The following RIMS1 variants were observed in gnomAD, a reference collection of about 807,000 sequenced individuals.
RIMS1 encodes regulating synaptic membrane exocytosis 1, also known as regulating synaptic membrane exocytosis protein 1.
A neutral mutation model predicts 214.1 loss-of-function variants in RIMS1; 83 were observed. The observed-to-expected ratio is 0.39, with a 90% CI of 0.32 to 0.47. The LOEUF (loss-of-function observed/expected upper bound fraction) is 0.47. Ranked by LOEUF, RIMS1 falls within the 20% of genes least tolerant of loss-of-function variation. RIMS1 has a pLI of 0.99. For missense variants in RIMS1, 2,050 were observed against 2,161.8 expected (o/e 0.95, Z 1.03); for synonymous variants, 793 against 786.8 (o/e 1.01, Z -0.13).
intron 28 of RIMS1, among the ~76,000 whole-genome samples, chr6:72,315,970 GT>G (rs1305876484): frequency 4.0e-5 from 6 of 151,734 alleles, no homozygotes; most frequent in Non-Finnish European, 8.8e-5. Context: ...TTCTATAGTT[GT>G]TTACTCAGCT....
intron 10 of RIMS1, among the ~76,000 whole-genome samples, chr6:72,243,826 G>A (rs995341678): frequency 2.0e-5 from 3 of 151,566 alleles, no homozygotes; most frequent in African/African-American, 7.2e-5. Context: ...AAGGAACATG[G>A]AATACAAAAA....
chr6:71,942,682 C>T (rs1230594815), intron 1 of RIMS1, among the ~76,000 whole-genome samples: 2 of 151,560 alleles, frequency 1.3e-5, no homozygotes, highest in African/African-American at 4.8e-5. Context: ...TCAGAAGTTA[C>T]CTGGTATTTT....
At chr6:72,085,554 T>G (rs1024836928) in intron 2 of RIMS1, among the ~76,000 whole-genome samples, 4 of 152,164 alleles carry the variant, frequency 2.6e-5, no homozygotes, top group Non-Finnish European at 5.9e-5. Context: ...GGATGATTAT[T>G]TTTATGAAAT....
chr6:72,299,713 T>G (rs985508527), intron 26 of RIMS1, among the ~76,000 whole-genome samples: 1 of 151,834 alleles, frequency 6.6e-6, no homozygotes, highest in African/African-American at 2.4e-5. Flanking sequence ...ATTTTAGCAT[T>G]TTTTGTACAG....
chr6:72,150,585 T>A (rs1191275659), intron 4 of RIMS1, among the ~76,000 whole-genome samples: 2 of 152,220 alleles, frequency 1.3e-5, no homozygotes, highest in Non-Finnish European at 2.9e-5. Flanking sequence ...TAGATACAGG[T>A]TATTGTGCAG....
chr6:72,026,786 C>G (rs999323151), intron 2 of RIMS1, among the ~76,000 whole-genome samples: 7 of 152,022 alleles, frequency 4.6e-5, no homozygotes, highest in Non-Finnish European at 7.4e-5. Context: ...TGTATACTGC[C>G]TTGTATCACC....
intron 29 of RIMS1, among the ~76,000 whole-genome samples, chr6:72,383,387 A>G (rs964384456): frequency 6.6e-6 from 1 of 152,116 alleles, no homozygotes; most frequent in Non-Finnish European, 1.5e-5. Flanking sequence ...ACTAAAGGAC[A>G]AAATGAACAA....
intron 29 of RIMS1, among the ~76,000 whole-genome samples, chr6:72,337,881 G>A (rs935563538): frequency 6.6e-6 from 1 of 151,024 alleles, no homozygotes; most frequent in African/African-American, 2.4e-5. Context: ...GAGAATGATG[G>A]TTTCCAGCTT....
At position 72,053,677 on chromosome 6, in the gene RIMS1, G is replaced by A. The variant is rs115281141; in HGVS notation, c.246-43272G>A. Reference sequence around the variant, plus strand: ...GGAAATGAAACCTATTTTAATGGCTGGTATTGGAATAGAAAAGAACACAAA... The same window carrying A: ...GGAAATGAAACCTATTTTAATGGCTAGTATTGGAATAGAAAAGAACACAAA... On this transcript the variant is annotated intron_variant, in intron 2 of 33. Coordinates refer to ENST00000521978, the MANE Select transcript of RIMS1 (RefSeq NM_014989.7). Among the ~76,000 whole-genome samples the A allele has an allele frequency of 9.3e-3, 1,422 of 152,150 alleles. 12 individuals are homozygous for A. Among genetic ancestry groups the A allele is most frequent in the African/African-American group, 0.031 (1,296 of 41,510 alleles).
chr6:72,097,963 A>T (rs2032329961), intron 3 of RIMS1, among the ~76,000 whole-genome samples: 1 of 152,190 alleles, frequency 6.6e-6, no homozygotes, highest in African/African-American at 2.4e-5. Flanking sequence ...ATAATTATTT[A>T]TAGGGAAATC....
Position 72,121,503 on chromosome 6 carries a change from G to C in RIMS1, c.471+21517G>C, listed in dbSNP as rs187271282. 1.0e-3 allele frequency among the ~76,000 whole-genome samples: 158 copies of C among 152,030 alleles called. 1 individual carries two copies. Among genetic ancestry groups the C allele is most frequent in the African/African-American group, 3.8e-3 (156 of 41,538 alleles). ...CTTGTGATTTTTGTACATTGATTTT[G>C]CATCCTGAGACTTTTCTGAAGTTGC... On this transcript the variant is annotated intron_variant, in intron 4 of 33. Coordinates refer to ENST00000521978, the MANE Select transcript of RIMS1 (RefSeq NM_014989.7).
intron 2 of RIMS1, among the ~76,000 whole-genome samples, chr6:71,973,059 G>A (rs996730643): frequency 8.5e-5 from 13 of 152,122 alleles, no homozygotes; most frequent in Non-Finnish European, 8.8e-5. Context: ...ACAGGCATGC[G>A]CCACCACACC....
At chr6:72,074,522 G>A (rs934085844) in intron 2 of RIMS1, among the ~76,000 whole-genome samples, 11 of 151,940 alleles carry the variant, frequency 7.2e-5, no homozygotes, top group Admixed American at 5.3e-4. Flanking sequence ...AAAATTAGCC[G>A]GACGTGGTGG....
intron 6 of RIMS1, among the ~76,000 whole-genome samples, chr6:72,190,426 G>A (rs2049876959): frequency 6.8e-6 from 1 of 147,614 alleles, no homozygotes; most frequent in South Asian, 2.2e-4. Context: ...TCGCGCCATT[G>A]CACTCCAGCC....
chr6:71,939,634 A>C (rs1785443722), intron 1 of RIMS1, among the ~76,000 whole-genome samples: 1 of 152,234 alleles, frequency 6.6e-6, no homozygotes, highest in South Asian at 2.1e-4. Flanking sequence ...AACACTGTGG[A>C]AGGCAACAAA....
chr6:72,279,719 C>T (rs898791297), intron 23 of RIMS1, among the ~76,000 whole-genome samples: 2 of 151,998 alleles, frequency 1.3e-5, no homozygotes, highest in Non-Finnish European at 2.9e-5. Flanking sequence ...GTGGCAGAGT[C>T]AGCAGAGAAC....
chr6:72,180,268 T>C (rs1199120610), intron 5 of RIMS1, among the ~76,000 whole-genome samples: 1 of 152,220 alleles, frequency 6.6e-6, no homozygotes, highest in East Asian at 1.9e-4. Context: ...TGGGGGAATC[T>C]GACCTATCAG....
At chr6:72,250,252 A>G (rs2072576691) in intron 12 of RIMS1, 78 bp from the exon 13 acceptor site, 2 of 1,367,312 alleles carry the variant, frequency 1.5e-6, no homozygotes, top group East Asian at 2.4e-5. Flanking sequence ...TCATTTAAAT[A>G]TAACTTGAAT....
At chr6:72,350,646 G>A (rs529305701) in intron 29 of RIMS1, among the ~76,000 whole-genome samples, 5 of 152,020 alleles carry the variant, frequency 3.3e-5, no homozygotes, top group East Asian at 1.9e-4. Context: ...TGGCTGAAGC[G>A]TTTGAAAATA....
Sources: allele counts gnomAD v4.1 joint callset (sites outside exome capture counted in the v4.1 genomes callset), GRCh38; gene constraint gnomAD v4.1.1; transcripts MANE v1.5; gene names NCBI Gene and HGNC (gene_info 2026-07-23, HGNC 2026-07-21).